The following TMEM42 variants were observed in gnomAD, a reference collection of about 807,000 sequenced individuals.
TMEM42 encodes transmembrane protein 42.
Under a neutral mutation model 14.0 loss-of-function variants are expected in TMEM42, and 8 were observed. That is an observed-to-expected ratio of 0.57 (90% CI 0.34 to 1.03). The LOEUF (loss-of-function observed/expected upper bound fraction) is 1.03, where lower values mean the gene tolerates loss of function less well. Ranked by LOEUF, TMEM42 falls within the 50% of genes least tolerant of loss-of-function variation. The pLI is 0.03. For missense variants in TMEM42, 211 were observed against 219.8 expected (o/e 0.96, Z 0.25); for synonymous variants, 115 against 94.3 (o/e 1.22, Z -1.27).
In TMEM42 at chr3:44,861,947, C is replaced by T. The variant is rs752512492; in HGVS notation, c.23C>T (p.Pro8Leu). 1.3e-5 allele frequency: 18 copies of T among 1,407,224 alleles called. No individual in the cohort carries two copies. In the African/African-American group the frequency reaches 2.0e-4, roughly 15 times the overall value. The allele number at this position is 1,407,224 out of a possible 1,614,324, so 87.2% of individuals were successfully genotyped here. ...AACATGGCCGAGAGGCCGGGGCCTC[C>T]GGGCGGCGCCGTGTCCGCGACCGCG... MAERPGP[P>L]GGAVSATAYP... is the part of the protein sequence containing the mutation. The change falls in exon 1 of 3, where the codon CCG becomes CTG. Residue 8 changes from proline to leucine, a missense_variant. By Grantham distance (98) the Pro-to-Leu change is moderately conservative (BLOSUM62 -3). Transcript: ENST00000302392.
rs1699259279 is a variant in TMEM42 at position 44,862,032 on chromosome 3, C to G, written c.108C>G (p.Arg36=). 7.2e-7 allele frequency: 1 copy of G among 1,383,370 alleles called. No individual in the cohort carries two copies. Among genetic ancestry groups the G allele is most frequent in the Non-Finnish European group, 9.4e-7 (1 of 1,065,538 alleles). The allele number at this position is 1,383,370 out of a possible 1,614,324, so 85.7% of individuals were successfully genotyped here. The change falls in exon 1 of 3, where the codon CGC becomes CGG. Residue 36 remains arginine, a synonymous_variant. Transcript: ENST00000302392. ...PHLQAGAMRR[R]FWGVFNCLCA... is the part of the protein sequence containing the mutation. ...TCCAGGCGGGTGCGATGCGGCGCCG[C>G]TTTTGGGGCGTATTCAACTGTCTGT...
chr3:44,864,779 G>A (rs573444775), intron 2 of TMEM42, among the ~76,000 whole-genome samples: 1 of 152,304 alleles, frequency 6.6e-6, no homozygotes, highest in African/African-American at 2.4e-5. Flanking sequence ...CCATGTACCT[G>A]CTGTGTCTAC....
Position 44,862,066 on chromosome 3 carries a change from G to A in TMEM42, c.142G>A (p.Ala48Thr), listed in dbSNP as rs549442571. Residue 48 changes from alanine to threonine, a missense_variant, in exon 1 of 3, where the codon GCG becomes ACG. Ala to Thr is a moderately conservative substitution (Grantham distance 58). Coordinates refer to ENST00000302392, the MANE Select transcript of TMEM42 (RefSeq NM_144638.3). ...CGTATTCAACTGTCTGTGCGCCGGCGCGTTCGGGGCCCTGGCCGCCGCCTC... is the reference window on the plus strand; with the variant it reads ...CGTATTCAACTGTCTGTGCGCCGGCACGTTCGGGGCCCTGGCCGCCGCCTC... ...WGVFNCLCAG[A>T]FGALAAASAK... 4.6e-6 allele frequency: 6 copies of A among 1,316,834 alleles called. No homozygotes were observed. In the South Asian group the frequency reaches 7.5e-5, roughly 16 times the overall value. The allele number at this position is 1,316,834 out of a possible 1,614,324, so 81.6% of individuals were successfully genotyped here.
chr3:44,862,045 T>G lies in TMEM42; in HGVS notation c.121T>G (p.Phe41Val). The G allele has an allele frequency of 1.5e-6, 2 of 1,360,322 alleles. No individual in the cohort carries two copies. The highest frequency in any genetic ancestry group is 1.9e-6 in the Non-Finnish European group (2 of 1,051,270). 84.3% of individuals were successfully genotyped at this position (1,360,322 alleles called of 1,614,324 possible). Residue 41 changes from phenylalanine to valine, a missense_variant, in exon 1 of 3, where the codon TTC becomes GTC. Transcript: ENST00000302392. ...GATGCGGCGCCGCTTTTGGGGCGTA[T>G]TCAACTGTCTGTGCGCCGGCGCGTT... Reference protein sequence around the residue: ...GAMRRRFWGVFNCLCAGAFGA... With the variant: ...GAMRRRFWGVVNCLCAGAFGA...
intron 1 of TMEM42, chr3:44,862,797 T>TTGCA (rs1699273322): frequency 6.6e-6 from 1 of 152,144 alleles, no homozygotes; most frequent in Admixed American, 6.5e-5. Flanking sequence ...CAGCCCAAGG[T>TTGCA]TAGCCTCTGA....
intron 2 of TMEM42, 136 bp downstream of exon 2, chr3:44,864,479 G>C (rs928986151): frequency 5.0e-6 from 5 of 995,344 alleles, no homozygotes; most frequent in Non-Finnish European, 5.9e-6. Context: ...TTGACCCCTG[G>C]ATGAGTGCTC....
rs137995657 is a variant in TMEM42 at position 44,864,290 on chromosome 3, A to G, written c.286A>G (p.Met96Val). 2,180 of 1,614,146 alleles carry G rather than the reference A, an allele frequency of 1.4e-3. 8 individuals carry two copies. Among genetic ancestry groups the G allele is most frequent in the Non-Finnish European group, 1.6e-3 (1,857 of 1,180,026 alleles). ...CTTTAGCCGGGGCCTCAGTTTCTCC[A>G]TGTCTTCAGCCATTGCATCTGTCAC... is the stretch of plus-strand genomic sequence containing the variant. ...TFFSRGLSFS[M>V]SSAIASVTVT... Residue 96 changes from methionine to valine, a missense_variant, in exon 2 of 3, where the codon ATG becomes GTG. Coordinates refer to ENST00000302392, the MANE Select transcript of TMEM42 (RefSeq NM_144638.3).
chr3:44,862,392 C>G (rs1699267929), intron 1 of TMEM42: 1 of 154,488 alleles, frequency 6.5e-6, no homozygotes, highest in Admixed American at 6.5e-5. Context: ...GGCCTCTTCC[C>G]TTACCAGGGA....
Position 44,863,303 on chromosome 3 carries a change from C to CCCA in TMEM42, c.193-892_193-891insACC, listed in dbSNP as rs1553668736. ...AATAAGTATATTTAGATTCCGCACC[C>CCCA]CCCCCCCCCGCCGCCTTGTCTCCAG... On this transcript the variant is annotated intron_variant, in intron 1 of 2. Coordinates refer to ENST00000302392, the MANE Select transcript of TMEM42 (RefSeq NM_144638.3). The CCCA allele has an allele frequency of 5.2e-5, 5 of 95,470 alleles. 1 individual carries two copies. The highest frequency in any genetic ancestry group is 7.6e-4 in the South Asian group (1 of 1,322). The allele number at this position is 95,470 out of a possible 1,614,324, so 5.9% of individuals were successfully genotyped here.
chr3:44,864,948 C>T (rs1234070785), intron 2 of TMEM42, 92 bp from the exon 3 acceptor site: 2 of 1,545,168 alleles, frequency 1.3e-6, no homozygotes, highest in Non-Finnish European at 1.8e-6. Flanking sequence ...GACCTTTCCT[C>T]CTGGCACCCT....
intron 1 of TMEM42, chr3:44,863,740 T>G: frequency 1.2e-5 from 2 of 167,810 alleles, no homozygotes; most frequent in South Asian, 1.5e-4. Context: ...TTGTATAGGA[T>G]TTGGGGGTGG....
intron 1 of TMEM42, 71 bp downstream of exon 1, chr3:44,862,187 G>T: frequency 9.8e-7 from 1 of 1,019,470 alleles, no homozygotes; most frequent in Non-Finnish European, 1.2e-6. Flanking sequence ...CGGAGGAGGG[G>T]CGCTGCGGGG....
chr3:44,863,307 C>CG lies in TMEM42; in HGVS notation c.193-890_193-889insG, dbSNP rs952125921. 10 of 108,998 alleles carry CG rather than the reference C, an allele frequency of 9.2e-5. 3 individuals are homozygous for CG. The South Asian group carries it at 2.4e-3, about 26-fold the overall frequency. The allele number at this position is 108,998 out of a possible 1,614,324, so 6.8% of individuals were successfully genotyped here. ...AGTATATTTAGATTCCGCACCCCCC[C>CG]CCCCCGCCGCCTTGTCTCCAGGCAG... On this transcript the variant is annotated intron_variant, in intron 1 of 2. Transcript: ENST00000302392.
intron 1 of TMEM42, chr3:44,863,098 A>G (rs1575702299): frequency 6.6e-6 from 1 of 151,824 alleles, no homozygotes; most frequent in South Asian, 2.1e-4. Context: ...TTTGCGATTT[A>G]TTATTTTTTT....
Position 44,862,102 on chromosome 3 carries a change from G to A in TMEM42, c.178G>A (p.Ala60Thr). 2 of 1,234,000 alleles carry A rather than the reference G, an allele frequency of 1.6e-6. No homozygotes were observed. The highest frequency in any genetic ancestry group is 1.0e-6 in the Non-Finnish European group (1 of 981,884). The allele number at this position is 1,234,000 out of a possible 1,614,324, so 76.4% of individuals were successfully genotyped here. A position where few individuals can be genotyped will look rare whatever the true frequency, so the allele number is the denominator to read the frequency against. The change falls in exon 1 of 3, where the codon GCC becomes ACC. Residue 60 changes from alanine (A) to threonine (T), a missense_variant. Transcript: ENST00000302392. ...CCTGGCCGCCGCCTCCGCCAAGCTGGCCTTCGGCAGCGAGGTCGAGCCCGG... is the reference window on the plus strand; with the variant it reads ...CCTGGCCGCCGCCTCCGCCAAGCTGACCTTCGGCAGCGAGGTCGAGCCCGG... ...GALAAASAKL[A>T]FGSEVSMGLC...
At position 44,865,307 on chromosome 3, in the gene TMEM42, G is replaced by C; in HGVS notation, c.*127G>C. On this transcript the variant is annotated 3_prime_UTR_variant, in exon 3 of 3. Coordinates refer to ENST00000302392, the MANE Select transcript of TMEM42 (RefSeq NM_144638.3). ...TCTGACCATCAGCCAAGGGAAGCAGGCCTCTGATGGAGCAGGCTCTGGCTC... is the reference window on the plus strand; with the variant it reads ...TCTGACCATCAGCCAAGGGAAGCAGCCCTCTGATGGAGCAGGCTCTGGCTC... The C allele has an allele frequency of 7.9e-7, 1 of 1,271,758 alleles. No homozygotes were observed. The highest frequency in any genetic ancestry group is 1.1e-6 in the Non-Finnish European group (1 of 905,124). 78.8% of individuals were successfully genotyped at this position (1,271,758 alleles called of 1,614,324 possible).
chr3:44,864,002 T>C, intron 1 of TMEM42, 195 bp from the exon 2 acceptor site: 1 of 582,442 alleles, frequency 1.7e-6, no homozygotes, highest in Non-Finnish European at 3.0e-6. Context: ...GAATTTGCTT[T>C]ATTTGTAAGA....
rs1699261315 is a variant in TMEM42 at position 44,862,108 on chromosome 3, G to C, written c.184G>C (p.Gly62Arg). ...CGCCGCCTCCGCCAAGCTGGCCTTC[G>C]GCAGCGAGGTCGAGCCCGGGGCGCT... The part of the protein sequence containing the change: ...LAAASAKLAF[G>R]SEVSMGLCVL... The change falls in exon 1 of 3, where the codon GGC becomes CGC. Residue 62 changes from glycine (G) to arginine (R), a missense_variant. Physicochemically the swap from Gly to Arg is moderately radical, Grantham distance 125. Transcript: ENST00000302392. 2.2e-5 allele frequency: 28 copies of C among 1,272,668 alleles called. No individual in the cohort carries two copies. The highest frequency in any genetic ancestry group is 7.6e-5 in the Admixed American group (2 of 26,356). The allele number at this position is 1,272,668 out of a possible 1,614,324, so 78.8% of individuals were successfully genotyped here. A position where few individuals can be genotyped will look rare whatever the true frequency, so the allele number is the denominator to read the frequency against.
Position 44,861,940 on chromosome 3 carries a change from G to C in TMEM42, c.16G>C (p.Gly6Arg). 5 of 1,421,840 alleles carry C rather than the reference G, an allele frequency of 3.5e-6. No individual in the cohort carries two copies. Among genetic ancestry groups the C allele is most frequent in the Non-Finnish European group, 4.6e-6 (5 of 1,091,082 alleles). The allele number at this position is 1,421,840 out of a possible 1,614,324, so 88.1% of individuals were successfully genotyped here. MAERPGPPGGAVSATA... is the reference protein window; with the variant it reads MAERPRPPGGAVSATA... The stretch of plus-strand genomic sequence containing the variant: ...AGCAGGCAACATGGCCGAGAGGCCG[G>C]GGCCTCCGGGCGGCGCCGTGTCCGC... Residue 6 changes from glycine to arginine, a missense_variant, in exon 1 of 3, where the codon GGG (glycine) becomes CGG (arginine). By Grantham distance (125) the Gly-to-Arg change is moderately radical (BLOSUM62 -2). Transcript: ENST00000302392.
Sources: allele counts gnomAD v4.1 joint callset (sites outside exome capture counted in the v4.1 genomes callset), GRCh38; gene constraint gnomAD v4.1.1; transcripts MANE v1.5; gene names NCBI Gene and HGNC (gene_info 2026-07-23, HGNC 2026-07-21).